The following DAB1 variants were observed in gnomAD, a reference collection of about 807,000 sequenced individuals.
DAB1 encodes disabled homolog 1.
A neutral mutation model predicts 64.6 loss-of-function variants in DAB1; 15 were observed. The observed-to-expected ratio is 0.23, with a 90% CI of 0.16 to 0.36. The LOEUF (loss-of-function observed/expected upper bound fraction) is 0.36. DAB1 is among the 10% of genes least tolerant of loss of function. DAB1 has a pLI of 1.00. For synonymous variants in DAB1, 235 were observed against 251.9 expected, an observed-to-expected ratio of 0.93 and a Z score of 0.64; for missense variants, 596 against 706.7, an observed-to-expected ratio of 0.84 and a Z score of 1.78.
intron 7 of DAB1, among the ~76,000 whole-genome samples, chr1:57,629,848 T>C (rs1487888149): frequency 6.6e-6 from 1 of 151,916 alleles, no homozygotes; most frequent in African/African-American, 2.4e-5. Context: ...TGAGGGTTTT[T>C]TTTTTCCCCC....
intron 5 of DAB1, among the ~76,000 whole-genome samples, chr1:57,903,856 T>C (rs1349984451): frequency 2.6e-5 from 4 of 152,176 alleles, no homozygotes; most frequent in Non-Finnish European, 5.9e-5. Flanking sequence ...AATTTATCTT[T>C]ATGGTCTACT....
chr1:58,332,993 C>T (rs1417518056), intron 4 of DAB1, among the ~76,000 whole-genome samples: 3 of 152,150 alleles, frequency 2.0e-5, no homozygotes, highest in African/African-American at 7.2e-5. Context: ...TCACTGCAAC[C>T]TCTGCTCCCG....
At chr1:58,541,914 A>G (rs1298905877) in intron 1 of DAB1, among the ~76,000 whole-genome samples, 3 of 152,174 alleles carry the variant, frequency 2.0e-5, no homozygotes, top group Non-Finnish European at 4.4e-5. Flanking sequence ...TGTTCCTTAA[A>G]TTTTTCTGCA....
intron 5 of DAB1, among the ~76,000 whole-genome samples, chr1:58,043,402 G>T (rs186329699): frequency 8.4e-5 from 12 of 142,106 alleles, no homozygotes; most frequent in Non-Finnish European, 1.3e-4. Flanking sequence ...TTAAAAAAAA[G>T]AGTTGGCAGA....
At chr1:58,539,748 T>C (rs1187292853) in intron 1 of DAB1, among the ~76,000 whole-genome samples, 3 of 152,170 alleles carry the variant, frequency 2.0e-5, no homozygotes, top group Middle Eastern at 3.2e-3. Flanking sequence ...CCCTAACAGA[T>C]GGGAAACAGA....
chr1:57,051,813 C>G (rs1396795641), intron 9 of DAB1, among the ~76,000 whole-genome samples: 3 of 152,112 alleles, frequency 2.0e-5, no homozygotes, highest in Non-Finnish European at 2.9e-5. Flanking sequence ...ATGTTCACAG[C>G]TAGCTGGGGA....
chr1:57,810,448 T>C (rs1240327339), intron 6 of DAB1, among the ~76,000 whole-genome samples: 1 of 152,098 alleles, frequency 6.6e-6, no homozygotes, highest in Non-Finnish European at 1.5e-5. Context: ...TGTGTGTGTG[T>C]ATTTGTGTGG....
intron 1 of DAB1, among the ~76,000 whole-genome samples, chr1:57,388,447 C>G (rs551700083): frequency 6.6e-6 from 1 of 152,016 alleles, no homozygotes; most frequent in Non-Finnish European, 1.5e-5. Flanking sequence ...GTGGTTCTGT[C>G]CCAAAGTGAT....
chr1:57,039,804 C>T (rs952046809), intron 9 of DAB1, among the ~76,000 whole-genome samples: 5 of 152,136 alleles, frequency 3.3e-5, no homozygotes, highest in African/African-American at 1.2e-4. Context: ...AAATAAGCTA[C>T]TAATGGCTAA....
chr1:58,164,217 T>G (rs1241449845), intron 4 of DAB1, among the ~76,000 whole-genome samples: 3 of 142,024 alleles, frequency 2.1e-5, no homozygotes, highest in Middle Eastern at 7.6e-3. Flanking sequence ...AAAAGATGAG[T>G]GATCAAAGGT....
At chr1:57,968,820 T>G (rs1171688233) in intron 5 of DAB1, among the ~76,000 whole-genome samples, 1 of 152,206 alleles carries the variant, frequency 6.6e-6, no homozygotes, top group African/African-American at 2.4e-5. Flanking sequence ...AAGCTGAATT[T>G]ATTCAATGGC....
chr1:57,908,615 A>G (rs936581669), intron 5 of DAB1, among the ~76,000 whole-genome samples: 7 of 120,220 alleles, frequency 5.8e-5, no homozygotes, highest in African/African-American at 2.7e-4. Flanking sequence ...AGTCCTCAGG[A>G]AAGGCCCCTG....
chr1:57,493,082 A>G (rs1017368797), intron 7 of DAB1, among the ~76,000 whole-genome samples: 3 of 151,898 alleles, frequency 2.0e-5, no homozygotes, highest in African/African-American at 4.8e-5. Flanking sequence ...ATGGGCTGTT[A>G]GTACAGATGG....
intron 1 of DAB1, among the ~76,000 whole-genome samples, chr1:57,381,299 G>A (rs79006772): frequency 0.084 from 12,829 of 152,248 alleles, 590 homozygotes; most frequent in Middle Eastern, 0.12. Flanking sequence ...TCAAATGAGA[G>A]AGAAACAGAA....
chr1:58,470,258 C>G (rs1172627907), intron 3 of DAB1, among the ~76,000 whole-genome samples: 1 of 152,012 alleles, frequency 6.6e-6, no homozygotes, highest in African/African-American at 2.4e-5. Context: ...ACTGCAACCT[C>G]TGCCTCACAG....
intron 5 of DAB1, among the ~76,000 whole-genome samples, chr1:58,040,208 G>A (rs564812344): frequency 1.3e-5 from 2 of 152,252 alleles, no homozygotes; most frequent in South Asian, 4.1e-4. Flanking sequence ...GTTCCATGTT[G>A]ATTATGATGT....
At chr1:57,351,052 C>T (rs1015034822) in intron 1 of DAB1, among the ~76,000 whole-genome samples, 1 of 152,176 alleles carries the variant, frequency 6.6e-6, no homozygotes, top group East Asian at 1.9e-4. Flanking sequence ...GGGCACTGTG[C>T]CACTTGTTTC....
chr1:57,370,276 G>A (rs1476436249), intron 1 of DAB1, among the ~76,000 whole-genome samples: 1 of 152,148 alleles, frequency 6.6e-6, no homozygotes, highest in Non-Finnish European at 1.5e-5. Context: ...TGCAATAAAA[G>A]GGTGCAAAAT....
At chr1:57,060,087 T>G (rs762323194) in intron 9 of DAB1, among the ~76,000 whole-genome samples, 8 of 150,136 alleles carry the variant, frequency 5.3e-5, no homozygotes, top group South Asian at 2.1e-4. Flanking sequence ...ACCAGGGATT[T>G]TCACAAATTC....
Sources: gnomAD v4.1 joint callset for allele counts (sites outside exome capture counted in the v4.1 genomes callset) on GRCh38, gnomAD v4.1.1 for gene constraint, MANE v1.5 for transcripts, NCBI Gene and HGNC (gene_info 2026-07-23, HGNC 2026-07-21) for gene names.